ZNF428: variants seen among roughly 807,000 people sequenced by gnomAD.
ZNF428 encodes enzyme-like protein PIT13.
ZNF428 carries 5 observed loss-of-function variants against 15.6 expected under a neutral mutation model. The ratio of observed to expected loss-of-function variants is 0.32; its 90% confidence interval spans 0.17 to 0.67. ZNF428 has a LOEUF of 0.67. Among genes scored for constraint, ZNF428 ranks in the 30% least tolerant of loss-of-function variants. The pLI, the probability that ZNF428 is intolerant of heterozygous loss-of-function variation, is 0.73. For synonymous variants in ZNF428, 97 were observed against 102.2 expected, an observed-to-expected ratio of 0.95 and a Z score of 0.31; for missense variants, 237 against 256.0, an observed-to-expected ratio of 0.93 and a Z score of 0.51.
rs79114906 is a variant in ZNF428 at position 43,619,293 on chromosome 19, C to A, written c.-131+265G>T. The stretch of plus-strand genomic sequence containing the variant: ...GTGGGATAAAAGGAACCGGTCTCGA[C>A]AAGGATCTGGGACACTCTTTCCCAG... On this transcript the variant is annotated intron_variant, in intron 1 of 2. Coordinates refer to ENST00000300811, the MANE Select transcript of ZNF428 (RefSeq NM_182498.4). Among the ~76,000 whole-genome samples, 1,367 of 151,982 alleles carry A rather than the reference C, an allele frequency of 9.0e-3. 16 individuals carry two copies. Among genetic ancestry groups the A allele is most frequent in the African/African-American group, 0.031 (1,299 of 41,434 alleles).
intron 1 of ZNF428, among the ~76,000 whole-genome samples, chr19:43,614,764 A>G (rs1357763732): frequency 6.6e-6 from 1 of 152,076 alleles, no homozygotes; most frequent in African/African-American, 2.4e-5. Flanking sequence ...ACGCCCGGCT[A>G]ATTTTGTATT....
In ZNF428 at chr19:43,607,550, C is replaced by T. The variant is rs1167648593; in HGVS notation, c.*67G>A. The T allele has an allele frequency of 6.6e-7, 1 of 1,510,762 alleles. No individual in the cohort carries two copies. Among genetic ancestry groups the T allele is most frequent in the Non-Finnish European group, 8.9e-7 (1 of 1,129,348 alleles). The allele number at this position is 1,510,762 out of a possible 1,614,324, so 93.6% of individuals were successfully genotyped here. A position where few individuals can be genotyped will look rare whatever the true frequency, so the allele number is the denominator to read the frequency against. Reference sequence around the variant, plus strand: ...CATCCCCCATGACCACTGTCACAACCCCAATTTCCTCAGCCCCCTCCTCCC... The same window carrying T: ...CATCCCCCATGACCACTGTCACAACTCCAATTTCCTCAGCCCCCTCCTCCC... On this transcript the variant is annotated 3_prime_UTR_variant, in exon 3 of 3. Transcript: ENST00000300811. The surrounding 1 kb of genome is among the most constrained non-coding windows in gnomAD (Gnocchi z 5.1).
At chr19:43,614,503 G>C in intron 1 of ZNF428, 69 bp from the exon 2 acceptor site, 2 of 1,379,752 alleles carry the variant, frequency 1.4e-6, no homozygotes, top group Non-Finnish European at 1.9e-6. Context: ...TCCCCACCAA[G>C]CCCAACTGTG....
chr19:43,618,764 T>G (rs2146126186), intron 1 of ZNF428, among the ~76,000 whole-genome samples: 1 of 152,236 alleles, frequency 6.6e-6, no homozygotes, highest in African/African-American at 2.4e-5. Flanking sequence ...TTGTATCTTT[T>G]GGATATAATT....
rs943243361 is a variant in ZNF428 at position 43,607,406 on chromosome 19, C to T, written c.*211G>A. ...ACACACACACACACAAACACACACACGGGCGGGAATACACACACACACACA... is the reference window on the plus strand; with the variant it reads ...ACACACACACACACAAACACACACATGGGCGGGAATACACACACACACACA... On this transcript the variant is annotated 3_prime_UTR_variant, in exon 3 of 3. Transcript: ENST00000300811. This position sits in a 1 kb window ranked among gnomAD's most constrained non-coding sequence, Gnocchi z 5.1. 41 of 548,754 alleles carry T rather than the reference C, an allele frequency of 7.5e-5. No homozygotes were observed. Among genetic ancestry groups the T allele is most frequent in the South Asian group, 4.4e-4 (15 of 34,152 alleles). 34.0% of individuals were successfully genotyped at this position (548,754 alleles called of 1,614,324 possible).
chr19:43,612,786 C>G lies in ZNF428; in HGVS notation c.76+1443G>C, dbSNP rs1049609045. On this transcript the variant is annotated intron_variant, in intron 2 of 2. Coordinates refer to ENST00000300811, the MANE Select transcript of ZNF428 (RefSeq NM_182498.4). This position sits in a 1 kb window ranked among gnomAD's most constrained non-coding sequence, Gnocchi z 4.2. ...CCCAGTACAGCCAAGTGTCAAACCCCGACTGGAATTCCCTCCAAGGAGAAG... is the reference window on the plus strand; with the variant it reads ...CCCAGTACAGCCAAGTGTCAAACCCGGACTGGAATTCCCTCCAAGGAGAAG... 6.4e-7 allele frequency: 1 copy of G among 1,551,484 alleles called. No homozygotes were observed. The highest frequency in any genetic ancestry group is 8.7e-7 in the Non-Finnish European group (1 of 1,146,964).
In ZNF428 at chr19:43,613,008, A is replaced by G; in HGVS notation, c.76+1221T>C. 3 of 1,551,670 alleles carry G rather than the reference A, an allele frequency of 1.9e-6. No homozygotes were observed. In the East Asian group the frequency reaches 7.3e-5, roughly 38 times the overall value. ...AGAAGGTCAAGAAGTGGCAGTCAGA[A>G]GAGGACGCACAGCAGAGTGAGAAGT... On this transcript the variant is annotated intron_variant, in intron 2 of 2. Transcript: ENST00000300811.
At chr19:43,614,459 T>A (rs760803673) in intron 1 of ZNF428, 25 bp from the exon 2 acceptor site, 272 of 1,433,552 alleles carry the variant, frequency 1.9e-4, no homozygotes, top group Non-Finnish European at 2.4e-4. Context: ...AGGAAAGACC[T>A]GTGATGATTC....
At chr19:43,611,395 C>G (rs1973295648) in intron 2 of ZNF428, among the ~76,000 whole-genome samples, 1 of 152,066 alleles carries the variant, frequency 6.6e-6, no homozygotes, top group Non-Finnish European at 1.5e-5. Context: ...TCTTGGCTCA[C>G]TGCAACCTCC....
At chr19:43,616,098 A>T (rs1973369090) in intron 1 of ZNF428, among the ~76,000 whole-genome samples, 1 of 152,204 alleles carries the variant, frequency 6.6e-6, no homozygotes, top group Non-Finnish European at 1.5e-5. Flanking sequence ...TAAGGTACAC[A>T]ACATTATAAC....
At position 43,612,417 on chromosome 19, in the gene ZNF428, G is replaced by A; in HGVS notation, c.76+1812C>T. Reference sequence around the variant, plus strand: ...CCCAGCAGGGTGAGCACCGACACCAGGACCAGCAAAGCCAGCAAGGCCAGC... The same window carrying A: ...CCCAGCAGGGTGAGCACCGACACCAAGACCAGCAAAGCCAGCAAGGCCAGC... On this transcript the variant is annotated intron_variant, in intron 2 of 2. Coordinates refer to ENST00000300811, the MANE Select transcript of ZNF428 (RefSeq NM_182498.4). This position sits in a 1 kb window ranked among gnomAD's most constrained non-coding sequence, Gnocchi z 4.2. 6.4e-7 allele frequency: 1 copy of A among 1,551,448 alleles called. No homozygotes were observed.
chr19:43,611,026 C>A (rs999673462), intron 2 of ZNF428, among the ~76,000 whole-genome samples: 1 of 152,144 alleles, frequency 6.6e-6, no homozygotes, highest in Non-Finnish European at 1.5e-5. Flanking sequence ...TCCTTCAAGA[C>A]CCAGCACAAA....
At chr19:43,613,493 GCAAGAGAT>G (rs1371494343) in intron 2 of ZNF428, 1 of 1,545,624 alleles carries the variant, frequency 6.5e-7, no homozygotes, top group Non-Finnish European at 8.7e-7. Context: ...TCCCAACAAG[GCAAGAGAT>G]CATAGCCGAT....
intron 1 of ZNF428, among the ~76,000 whole-genome samples, chr19:43,615,540 A>G (rs1973363796): frequency 6.6e-6 from 1 of 152,010 alleles, no homozygotes; most frequent in Non-Finnish European, 1.5e-5. Flanking sequence ...TCTAAAAAAA[A>G]AAAAAAAATT....
intron 1 of ZNF428, among the ~76,000 whole-genome samples, chr19:43,614,991 A>C (rs1973357680): frequency 6.6e-6 from 1 of 152,064 alleles, no homozygotes; most frequent in African/African-American, 2.4e-5. Context: ...CCAAATATTC[A>C]ACAGTGGGGA....
At chr19:43,617,228 C>T (rs1473783177) in intron 1 of ZNF428, among the ~76,000 whole-genome samples, 3 of 152,032 alleles carry the variant, frequency 2.0e-5, no homozygotes, top group Non-Finnish European at 2.9e-5. Context: ...TCTCTCTCTC[C>T]CTCTTCACCA....
chr19:43,613,887 A>T (rs1171445536), intron 2 of ZNF428: 1 of 1,551,700 alleles, frequency 6.4e-7, no homozygotes, highest in Non-Finnish European at 8.7e-7. Flanking sequence ...AGCTCCAGCG[A>T]GGAGAGAGAT....
rs78739853 is a variant in ZNF428, at chr19:43,612,954, C to T, written c.76+1275G>A. 6,986 of 1,551,576 alleles carry T rather than the reference C, an allele frequency of 4.5e-3. 287 individuals are homozygous for T. In the African/African-American group the frequency reaches 0.083, roughly 19 times the overall value. On this transcript the variant is annotated intron_variant, in intron 2 of 2. Coordinates refer to ENST00000300811, the MANE Select transcript of ZNF428 (RefSeq NM_182498.4). The surrounding 1 kb of genome is among the most constrained non-coding windows in gnomAD (Gnocchi z 4.2). ...AACCAGGCCAGCACCCGCAGCAGGCCGCAAAGTCACAGCCAATCTAGAAGC... is the reference window on the plus strand; with the variant it reads ...AACCAGGCCAGCACCCGCAGCAGGCTGCAAAGTCACAGCCAATCTAGAAGC...
intron 1 of ZNF428, among the ~76,000 whole-genome samples, chr19:43,618,608 C>G (rs1259343410): frequency 7.7e-6 from 1 of 129,908 alleles, no homozygotes; most frequent in Admixed American, 8.6e-5. Context: ...GGGGGTCTCA[C>G]TATATTGCCC....
Sources: gnomAD v4.1 joint callset for allele counts (sites outside exome capture counted in the v4.1 genomes callset) on GRCh38, gnomAD v4.1.1 for gene constraint, Gnocchi (gnomAD v3.1) non-coding constraint, MANE v1.5 for transcripts, NCBI Gene and HGNC (gene_info 2026-07-23, HGNC 2026-07-21) for gene names.